NTRK3: variants seen among roughly 807,000 people sequenced by gnomAD.
NTRK3 encodes NT-3 growth factor receptor.
NTRK3 carries 24 observed loss-of-function variants against 91.7 expected under a neutral mutation model. That is an observed-to-expected ratio of 0.26 (90% CI 0.19 to 0.37). The LOEUF (loss-of-function observed/expected upper bound fraction) is 0.37. Among genes scored for constraint, NTRK3 ranks in the 10% least tolerant of loss-of-function variants. The probability of loss-of-function intolerance (pLI) is 1.00; values close to 1 mark genes in which losing one functional copy is unlikely to be tolerated. For missense variants in NTRK3, 880 were observed against 1,068.9 expected (o/e 0.82, Z 2.46); for synonymous variants, 483 against 404.0 (o/e 1.20, Z -2.34).
chr15:88,160,090 A>G (rs2044305115), intron 5 of NTRK3, among the ~76,000 whole-genome samples: 1 of 152,054 alleles, frequency 6.6e-6, no homozygotes, highest in African/African-American at 2.4e-5. Flanking sequence ...ATGAGTGGAG[A>G]TGGTCCCAAA....
chr15:88,240,392 T>G lies in NTRK3; in HGVS notation c.248+15514A>C, dbSNP rs1244959777. 6.6e-6 allele frequency among the ~76,000 whole-genome samples: 1 copy of G among 152,066 alleles called. No individual in the cohort carries two copies. Among genetic ancestry groups the G allele is most frequent in the Non-Finnish European group, 1.5e-5 (1 of 68,008 alleles). ...CATCCTGCCCTGACGCAGGGGACAT[T>G]CTGTGAGGATGTGGCCAAAAACACC... On this transcript the variant is annotated intron_variant, in intron 3 of 18. Coordinates refer to ENST00000394480, the Ensembl canonical transcript of NTRK3. The surrounding 1 kb of genome is among the most constrained non-coding windows in gnomAD (Gnocchi z 4.9).
chr15:87,992,379 T>C (rs905286131), intron 14 of NTRK3, among the ~76,000 whole-genome samples: 3 of 152,184 alleles, frequency 2.0e-5, no homozygotes, highest in Non-Finnish European at 4.4e-5. Flanking sequence ...ATTTTTCTCA[T>C]CCAATTGCCG....
rs138020166 is a variant in NTRK3 at position 87,914,254 on chromosome 15, T to C, written c.2133+14937A>G. 6.1e-3 allele frequency among the ~76,000 whole-genome samples: 930 copies of C among 152,366 alleles called. 3 individuals are homozygous for C. The highest frequency in any genetic ancestry group is 0.01 in the Middle Eastern group (3 of 294). On this transcript the variant is annotated intron_variant, in intron 17 of 18. Transcript: ENST00000394480. ...TCTGTGTGCAATAATAAATTTCCTT[T>C]TGGTGCTAACTCCATTCTTATGGGT...
At chr15:88,249,017 C>T (rs1270047198) in intron 3 of NTRK3, among the ~76,000 whole-genome samples, 2 of 152,138 alleles carry the variant, frequency 1.3e-5, no homozygotes, top group African/African-American at 2.4e-5. Flanking sequence ...TAGGGAGAGG[C>T]CATGCCTGGA....
At chr15:88,111,794 A>T (rs1395526302) in intron 13 of NTRK3, among the ~76,000 whole-genome samples, 1 of 152,194 alleles carries the variant, frequency 6.6e-6, no homozygotes, top group African/African-American at 2.4e-5. Context: ...TGTGTGGACT[A>T]CTGATTGTCA....
At chr15:88,182,056 C>G (rs1393511477) in intron 5 of NTRK3, among the ~76,000 whole-genome samples, 2 of 152,170 alleles carry the variant, frequency 1.3e-5, no homozygotes, top group African/African-American at 2.4e-5. Context: ...CATCAGGAGA[C>G]TCTCACCACA....
chr15:87,944,654 C>G (rs1021569593), intron 14 of NTRK3, among the ~76,000 whole-genome samples: 1 of 152,212 alleles, frequency 6.6e-6, no homozygotes, highest in South Asian at 2.1e-4. Flanking sequence ...TTCACAGAGG[C>G]TTAACCCTCC....
In NTRK3 at chr15:88,068,734, A is replaced by T. The variant is rs547744419; in HGVS notation, c.1397-35689T>A. 5.9e-5 allele frequency among the ~76,000 whole-genome samples: 9 copies of T among 152,266 alleles called. No individual in the cohort carries two copies. In the East Asian group the frequency reaches 1.7e-3, roughly 29 times the overall value. ...CCGTGGCTATCCTGCTCAGCAACTC[A>T]GGACAGTAGGGTAGGGGTCGTCAAA... On this transcript the variant is annotated intron_variant, in intron 13 of 18. Transcript: ENST00000394480.
At chr15:87,902,179 C>G (rs997993361) in intron 17 of NTRK3, among the ~76,000 whole-genome samples, 1 of 152,186 alleles carries the variant, frequency 6.6e-6, no homozygotes, top group Non-Finnish European at 1.5e-5. Context: ...CTATGTTCCT[C>G]CATAGACAGA....
At chr15:87,965,507 T>C (rs2072705587) in intron 14 of NTRK3, among the ~76,000 whole-genome samples, 1 of 152,092 alleles carries the variant, frequency 6.6e-6, no homozygotes, top group African/African-American at 2.4e-5. Flanking sequence ...TCAGTCTCTA[T>C]GGCAACTGGG....
chr15:87,919,580 A>G (rs2067705157), intron 17 of NTRK3, among the ~76,000 whole-genome samples: 1 of 152,246 alleles, frequency 6.6e-6, no homozygotes, highest in Non-Finnish European at 1.5e-5. Flanking sequence ...AAAATGCTCT[A>G]GAAAGGGTGG....
At chr15:88,003,917 T>C (rs1482381859) in intron 14 of NTRK3, among the ~76,000 whole-genome samples, 1 of 151,744 alleles carries the variant, frequency 6.6e-6, no homozygotes, top group Non-Finnish European at 1.5e-5. Flanking sequence ...TTCTCATGGA[T>C]GGAGAACTGG....
exon 16 of NTRK3, chr15:87,933,173 A>G (rs772443761): frequency 6.2e-7 from 1 of 1,614,104 alleles, no homozygotes; most frequent in Admixed American, 1.7e-5. Context: ...CCAGGGTGGG[A>G]TCCTTCAGGG....
intron 11 of NTRK3, 35 bp downstream of exon 11, chr15:88,128,676 A>T: frequency 6.2e-7 from 1 of 1,609,384 alleles, no homozygotes; most frequent in Non-Finnish European, 8.5e-7. Flanking sequence ...TATCAGAATA[A>T]ATCAGTTTCA....
chr15:88,068,114 G>C (rs1196380633), intron 13 of NTRK3, among the ~76,000 whole-genome samples: 1 of 152,148 alleles, frequency 6.6e-6, no homozygotes, highest in African/African-American at 2.4e-5. Context: ...ATACAAGAAA[G>C]AAAAGGTGAG....
intron 13 of NTRK3, among the ~76,000 whole-genome samples, chr15:88,097,464 G>A (rs920593542): frequency 1.3e-5 from 2 of 152,192 alleles, no homozygotes; most frequent in Admixed American, 1.3e-4. Context: ...TACACTGATA[G>A]AGGCTTTGTT....
At chr15:88,254,539 C>A (rs755500820) in intron 3 of NTRK3, among the ~76,000 whole-genome samples, 1 of 152,112 alleles carries the variant, frequency 6.6e-6, no homozygotes, top group African/African-American at 2.4e-5. Context: ...GCTGCGAGAG[C>A]GCAAGCAGAA....
At chr15:88,087,456 C>G (rs1020210993) in intron 13 of NTRK3, among the ~76,000 whole-genome samples, 1 of 152,208 alleles carries the variant, frequency 6.6e-6, no homozygotes, top group African/African-American at 2.4e-5. Context: ...TCCACTGTCA[C>G]TCAGCCTCAT....
chr15:88,209,583 C>T (rs370033697), intron 3 of NTRK3, among the ~76,000 whole-genome samples: 1 of 152,202 alleles, frequency 6.6e-6, no homozygotes. Context: ...GCAGAAAGAC[C>T]CCAGGCTGAA....
Sources: gnomAD v4.1 joint callset for allele counts (sites outside exome capture counted in the v4.1 genomes callset) on GRCh38, gnomAD v4.1.1 for gene constraint, Gnocchi (gnomAD v3.1) non-coding constraint, MANE v1.5 for transcripts, NCBI Gene and HGNC (gene_info 2026-07-23, HGNC 2026-07-21) for gene names.